Variants in EXOC1 observed in about 807,000 individuals in gnomAD.
The protein encoded by EXOC1 is exocyst complex component 1.
A neutral mutation model predicts 107.7 loss-of-function variants in EXOC1; 67 were observed. The ratio of observed to expected loss-of-function variants is 0.62; its 90% CI spans 0.51 to 0.76. EXOC1 has a LOEUF of 0.76. Among genes scored for constraint, EXOC1 ranks in the 30% least tolerant of loss-of-function variants. EXOC1 has a pLI of 0.00. For synonymous variants in EXOC1, 348 were observed against 353.5 expected, an observed-to-expected ratio of 0.98 and a Z score of 0.17; for missense variants, 833 against 1,055.7, an observed-to-expected ratio of 0.79 and a Z score of 2.92.
At chr4:55,869,385 CA>C (rs1722233422) in intron 5 of EXOC1, among the ~76,000 whole-genome samples, 1 of 151,926 alleles carries the variant, frequency 6.6e-6, no homozygotes, top group Non-Finnish European at 1.5e-5. Context: ...CAGAACAAAA[CA>C]AAAAAATCAA....
intron 12 of EXOC1, 59 bp downstream of exon 12, chr4:55,890,445 G>GTGGT: frequency 6.7e-7 from 1 of 1,502,206 alleles, no homozygotes. Context: ...ACAGCAGTTT[G>GTGGT]TGGTTGCTCT....
intron 7 of EXOC1, among the ~76,000 whole-genome samples, chr4:55,871,474 A>G (rs140070709): frequency 2.0e-3 from 302 of 152,270 alleles, no homozygotes; most frequent in African/African-American, 6.9e-3. Context: ...ATTTAGTACT[A>G]TCCACAGAAC....
intron 10 of EXOC1, among the ~76,000 whole-genome samples, chr4:55,886,749 T>G (rs1214266269): frequency 6.6e-6 from 1 of 152,128 alleles, no homozygotes; most frequent in Non-Finnish European, 1.5e-5. Flanking sequence ...GCTCTGAAAA[T>G]TCTGGGTCAC....
intron 15 of EXOC1, among the ~76,000 whole-genome samples, chr4:55,894,568 TTCC>T (rs961996239): frequency 1.3e-5 from 2 of 151,292 alleles, no homozygotes; most frequent in African/African-American, 4.8e-5. Context: ...AATTATCATT[TTCC>T]TCCTAATAGA....
At chr4:55,874,544 T>G (rs759241537) in intron 8 of EXOC1, among the ~76,000 whole-genome samples, 3 of 152,300 alleles carry the variant, frequency 2.0e-5, no homozygotes, top group Non-Finnish European at 4.4e-5. Flanking sequence ...GAAAAACATC[T>G]TGCATTTGGG....
rs530842327 is a variant in EXOC1, at chr4:55,859,394, C to T, written c.124+947C>T. On this transcript the variant is annotated intron_variant, in intron 2 of 18. Transcript: ENST00000381295. ...TTATTCTTAGATTTTATTTGATAGT[C>T]GTGAAAGCGCTTATTAACATTAATA... 7.9e-5 allele frequency among the ~76,000 whole-genome samples: 12 copies of T among 152,032 alleles called. No homozygotes were observed. The East Asian group carries it at 1.2e-3, about 15-fold the overall frequency.
intron 3 of EXOC1, among the ~76,000 whole-genome samples, chr4:55,863,760 C>T (rs572537965): frequency 2.0e-5 from 3 of 152,280 alleles, no homozygotes; most frequent in African/African-American, 7.2e-5. Flanking sequence ...ATATACATTG[C>T]ATTTTTCTCA....
At chr4:55,853,987 C>G (rs1358399871) in intron 1 of EXOC1, 34 bp downstream of exon 1, 1 of 152,276 alleles carries the variant, frequency 6.6e-6, no homozygotes, top group Admixed American at 6.5e-5. Context: ...ATTCTCCAGT[C>G]CCTTGTCCTC....
chr4:55,867,277 A>G (rs1480572989), intron 4 of EXOC1, among the ~76,000 whole-genome samples: 2 of 152,178 alleles, frequency 1.3e-5, no homozygotes, highest in East Asian at 1.9e-4. Flanking sequence ...GAACTTATAT[A>G]CTAAAATCTG....
At chr4:55,893,512 C>T (rs1724828290) in intron 14 of EXOC1, 40 bp from the exon 15 acceptor site, 2 of 1,558,150 alleles carry the variant, frequency 1.3e-6, no homozygotes, top group Non-Finnish European at 1.8e-6. Context: ...TCACCTGAAG[C>T]TTGTTATAAC....
chr4:55,879,824 C>G (rs2110352443), intron 9 of EXOC1, among the ~76,000 whole-genome samples: 1 of 152,148 alleles, frequency 6.6e-6, no homozygotes, highest in Non-Finnish European at 1.5e-5. Context: ...CATCTAAAAT[C>G]TTTTATCTGT....
Position 55,860,500 on chromosome 4 carries a change from C to G in EXOC1, c.214C>G (p.Leu72Val). ...DFYKRQIAWA[L>V]RDLAVVDAKD... ...CTACAAAAGGCAGATTGCATGGGCC[C>G]TTCGAGATCTTGCTGTGGTAGATGC... Residue 72 changes from leucine (L) to valine (V), a missense_variant, in exon 3 of 19, where the codon CTT (leucine) becomes GTT (valine). Transcript: ENST00000381295. The G allele has an allele frequency of 6.2e-7, 1 of 1,614,006 alleles. No homozygotes were observed. The highest frequency in any genetic ancestry group is 1.6e-4 in the Middle Eastern group (1 of 6,062).
At chr4:55,892,474 A>G (rs1724674296) in intron 13 of EXOC1, 161 bp from the exon 14 acceptor site, 3 of 610,696 alleles carry the variant, frequency 4.9e-6, no homozygotes, top group South Asian at 2.0e-5. Flanking sequence ...TAAATAGCAT[A>G]CTAAATTATA....
chr4:55,887,394 T>A (rs1404340388), intron 10 of EXOC1, among the ~76,000 whole-genome samples: 1 of 152,168 alleles, frequency 6.6e-6, no homozygotes, highest in Non-Finnish European at 1.5e-5. Context: ...ATCTAATAAC[T>A]CACTGTTATA....
rs757930898 is a variant in EXOC1, at chr4:55,870,659, TTG to T, written c.604-18_604-17del. The T allele has an allele frequency of 7.5e-6, 12 of 1,591,734 alleles. No individual in the cohort carries two copies. The highest frequency in any genetic ancestry group is 2.7e-5 in the African/African-American group (2 of 74,458). On this transcript the variant is annotated splice_polypyrimidine_tract_variant and intron_variant, in intron 5 of 18. Transcript: ENST00000381295. ...TTGTTTGTTTGTTTGTTTGTTTGTT[TTG>T]GTCTTTAACTTTGTAGGCTAACATC...
At chr4:55,870,549 AT>A in intron 5 of EXOC1, 128 bp from the exon 6 acceptor site, 1 of 791,962 alleles carries the variant, frequency 1.3e-6, no homozygotes, top group Non-Finnish European at 2.0e-6. Flanking sequence ...GTATATATCA[AT>A]TTTTGTTATG....
At chr4:55,868,896 A>G (rs1218246469) in intron 5 of EXOC1, 1 of 161,596 alleles carries the variant, frequency 6.2e-6, no homozygotes, top group African/African-American at 2.4e-5. Flanking sequence ...AAAAATAAAA[A>G]TAGGGATGAA....
At chr4:55,854,412 C>A (rs1182193913) in intron 1 of EXOC1, among the ~76,000 whole-genome samples, 1 of 152,052 alleles carries the variant, frequency 6.6e-6, no homozygotes, top group East Asian at 1.9e-4. Context: ...GCCTTTGGAA[C>A]GTGGTCAGAT....
At chr4:55,877,783 G>A in intron 8 of EXOC1, 134 bp from the exon 9 acceptor site, 1 of 1,451,540 alleles carries the variant, frequency 6.9e-7, no homozygotes, top group Non-Finnish European at 9.0e-7. Flanking sequence ...TTATTTTTCT[G>A]TGTTCTATTC....
Sources: allele counts gnomAD v4.1 joint callset (sites outside exome capture counted in the v4.1 genomes callset), GRCh38; gene constraint gnomAD v4.1.1; transcripts MANE v1.5; gene names NCBI Gene and HGNC (gene_info 2026-07-23, HGNC 2026-07-21).